EMCN: variants seen among roughly 807,000 people sequenced by gnomAD.
The protein encoded by EMCN is endomucin.
Under a neutral mutation model 38.4 loss-of-function variants are expected in EMCN, and 37 were observed. That is an observed-to-expected ratio of 0.96 (90% CI 0.74 to 1.27). The LOEUF (loss-of-function observed/expected upper bound fraction) is 1.27. Among genes scored for constraint, EMCN ranks in the 50% most tolerant of loss-of-function variants. The probability of loss-of-function intolerance (pLI) is 0.00; values close to 1 mark genes in which losing one functional copy is unlikely to be tolerated. For missense variants in EMCN, 318 were observed against 302.8 expected, an observed-to-expected ratio of 1.05 and a Z score of -0.37; for synonymous variants, 95 against 100.8, an observed-to-expected ratio of 0.94 and a Z score of 0.35.
intron 1 of EMCN, among the ~76,000 whole-genome samples, chr4:100,485,428 G>T (rs965425379): frequency 1.3e-5 from 2 of 151,926 alleles, no homozygotes; most frequent in Non-Finnish European, 2.9e-5. Context: ...TAATGGCAAT[G>T]CATAAATTGG....
intron 4 of EMCN, among the ~76,000 whole-genome samples, chr4:100,457,672 C>T (rs772885874): frequency 2.0e-5 from 3 of 152,154 alleles, no homozygotes; most frequent in Non-Finnish European, 4.4e-5. Context: ...ATGTCTAATC[C>T]TCTTAATGTG....
intron 1 of EMCN, among the ~76,000 whole-genome samples, chr4:100,509,362 C>T (rs1729565085): frequency 6.6e-6 from 1 of 152,092 alleles, no homozygotes; most frequent in South Asian, 2.1e-4. Flanking sequence ...ATTCTAATCC[C>T]AATAATGCAA....
At chr4:100,467,083 A>T (rs937917113) in intron 3 of EMCN, among the ~76,000 whole-genome samples, 1 of 152,222 alleles carries the variant, frequency 6.6e-6, no homozygotes, top group Non-Finnish European at 1.5e-5. Context: ...ATGCAATGCC[A>T]AAGATTTTGC....
intron 1 of EMCN, among the ~76,000 whole-genome samples, chr4:100,516,088 G>C (rs1016582583): frequency 6.6e-6 from 1 of 152,052 alleles, no homozygotes; most frequent in Non-Finnish European, 1.5e-5. Context: ...TGTAACTATT[G>C]TCTCTGCTCA....
chr4:100,420,519 T>A (rs1312376053), intron 8 of EMCN, among the ~76,000 whole-genome samples: 3 of 151,894 alleles, frequency 2.0e-5, no homozygotes, highest in African/African-American at 7.3e-5. Flanking sequence ...AGTTTGCAAT[T>A]ACGGTAACAT....
At chr4:100,410,728 G>A (rs1299781973) in intron 10 of EMCN, among the ~76,000 whole-genome samples, 1 of 152,120 alleles carries the variant, frequency 6.6e-6, no homozygotes, top group Admixed American at 6.5e-5. Flanking sequence ...TGTTTAAAGT[G>A]CCATTTTATC....
intron 5 of EMCN, among the ~76,000 whole-genome samples, chr4:100,439,656 T>C (rs182356454): frequency 1.6e-3 from 245 of 151,870 alleles, no homozygotes; most frequent in African/African-American, 5.6e-3. Flanking sequence ...ATTATTTTCT[T>C]CTTTCTGCTA....
intron 8 of EMCN, among the ~76,000 whole-genome samples, chr4:100,419,804 T>C (rs1317690678): frequency 6.6e-6 from 1 of 152,076 alleles, no homozygotes; most frequent in African/African-American, 2.4e-5. Context: ...AAGGCATTGA[T>C]TTGTTTTTAC....
chr4:100,477,679 A>G (rs1379793176), intron 2 of EMCN, among the ~76,000 whole-genome samples: 2 of 152,256 alleles, frequency 1.3e-5, no homozygotes, highest in Non-Finnish European at 2.9e-5. Context: ...CCTTAAAATG[A>G]AAACAAAGAT....
At chr4:100,503,671 T>G (rs530951730) in intron 1 of EMCN, among the ~76,000 whole-genome samples, 8 of 152,254 alleles carry the variant, frequency 5.3e-5, no homozygotes, top group Non-Finnish European at 1.0e-4. Context: ...CTTGACCTCC[T>G]GGGCTCAAGC....
chr4:100,491,307 T>G (rs945226418), intron 1 of EMCN, among the ~76,000 whole-genome samples: 2 of 152,168 alleles, frequency 1.3e-5, no homozygotes, highest in African/African-American at 4.8e-5. Flanking sequence ...TAATTACTAT[T>G]GCTTTGCCGA....
intron 5 of EMCN, among the ~76,000 whole-genome samples, chr4:100,431,218 G>T (rs1254509186): frequency 6.6e-6 from 1 of 151,722 alleles, no homozygotes; most frequent in African/African-American, 2.4e-5. Flanking sequence ...CTGAAACACA[G>T]TTAAGGAAAG....
chr4:100,479,812 A>G (rs1255378296), intron 2 of EMCN, 105 bp downstream of exon 2: 2 of 956,186 alleles, frequency 2.1e-6, no homozygotes, highest in Non-Finnish European at 3.0e-6. Flanking sequence ...GACCTTTATA[A>G]CAATCAGATA....
chr4:100,421,392 A>G lies in EMCN; in HGVS notation c.569-15T>C. ...CAAAATAATACCTAAAAAGAATTGGAGACATTGTCAATTAGAGTGGCTACT... is the reference window on the plus strand; with the variant it reads ...CAAAATAATACCTAAAAAGAATTGGGGACATTGTCAATTAGAGTGGCTACT... On this transcript the variant is annotated splice_polypyrimidine_tract_variant and intron_variant, in intron 7 of 11. Transcript: ENST00000296420. 1 of 1,601,308 alleles carries G rather than the reference A, an allele frequency of 6.2e-7. No individual in the cohort carries two copies. Among genetic ancestry groups the G allele is most frequent in the South Asian group, 1.1e-5 (1 of 90,552 alleles).
At chr4:100,517,770 A>AT in intron 1 of EMCN, 81 bp downstream of exon 1, 1 of 1,269,920 alleles carries the variant, frequency 7.9e-7, no homozygotes, top group African/African-American at 1.5e-5. Flanking sequence ...TCAGGGGAAG[A>AT]TCCCTGAAAG....
At chr4:100,516,244 C>G (rs1273796525) in intron 1 of EMCN, among the ~76,000 whole-genome samples, 1 of 152,048 alleles carries the variant, frequency 6.6e-6, no homozygotes, top group Non-Finnish European at 1.5e-5. Flanking sequence ...TCTGGATTGT[C>G]CTTCATCTTC....
intron 3 of EMCN, among the ~76,000 whole-genome samples, chr4:100,472,876 AT>A (rs1388580282): frequency 6.6e-6 from 1 of 151,556 alleles, no homozygotes; most frequent in Non-Finnish European, 1.5e-5. Flanking sequence ...GGAATGTACC[AT>A]TTGATACTGG....
chr4:100,480,493 CTATA>C (rs903989071), intron 1 of EMCN, among the ~76,000 whole-genome samples: 5 of 150,680 alleles, frequency 3.3e-5, no homozygotes, highest in African/African-American at 1.2e-4. Context: ...TAAATGTGTA[CTATA>C]TAAAGTATAA....
chr4:100,469,035 C>A (rs1014698256), intron 3 of EMCN, among the ~76,000 whole-genome samples: 3 of 152,004 alleles, frequency 2.0e-5, no homozygotes, highest in Non-Finnish European at 2.9e-5. Context: ...TGAAAACAGA[C>A]ACATAGACCA....
Sources: allele counts gnomAD v4.1 joint callset (sites outside exome capture counted in the v4.1 genomes callset), GRCh38; gene constraint gnomAD v4.1.1; transcripts MANE v1.5; gene names NCBI Gene and HGNC (gene_info 2026-07-23, HGNC 2026-07-21).